AMZ1: variants seen among roughly 807,000 people sequenced by gnomAD.
AMZ1 encodes archaemetzincin-1.
Under a neutral mutation model 29.9 loss-of-function variants are expected in AMZ1, and 39 were observed. The observed-to-expected ratio is 1.30, with a 90% CI of 1.01 to 1.70. The LOEUF (loss-of-function observed/expected upper bound fraction) is 1.70. AMZ1 is among the 40% of genes most tolerant of loss of function. The pLI, the probability that AMZ1 is intolerant of heterozygous loss-of-function variation, is 0.00. For missense variants in AMZ1, 1,041 were observed against 680.6 expected, an observed-to-expected ratio of 1.53 and a Z score of -5.89; for synonymous variants, 458 against 304.0, an observed-to-expected ratio of 1.51 and a Z score of -5.27.
In AMZ1 at chr7:2,696,308, G is replaced by C. The variant is rs374808891; in HGVS notation, c.-218-3926G>C. 4.9e-3 allele frequency among the ~76,000 whole-genome samples: 728 copies of C among 147,580 alleles called. 1 individual carries two copies. Among genetic ancestry groups the C allele is most frequent in the Middle Eastern group, 0.011 (3 of 280 alleles). ...GTCTCGCTCTGTCACCCAGGCTGGA[G>C]TGCAGTGGTGCGATCTTGGCTCACT... On this transcript the variant is annotated intron_variant, in intron 1 of 6. Coordinates refer to ENST00000683327, the MANE Select transcript of AMZ1 (RefSeq NM_001384743.1).
intron 6 of AMZ1, among the ~76,000 whole-genome samples, chr7:2,710,138 C>T (rs1002604380): frequency 6.6e-6 from 1 of 152,164 alleles, no homozygotes; most frequent in Non-Finnish European, 1.5e-5. Context: ...ACGGTCTTCC[C>T]AGGGTAACTT....
chr7:2,754,538 C>T (rs1300376318), intron 4 of AMZ1, among the ~76,000 whole-genome samples: 1 of 151,306 alleles, frequency 6.6e-6, no homozygotes, highest in African/African-American at 2.4e-5. Context: ...AGCTTAGGGG[C>T]TCGAAACCAA....
At chr7:2,696,431 G>C (rs968934676) in intron 1 of AMZ1, among the ~76,000 whole-genome samples, 1 of 150,366 alleles carries the variant, frequency 6.7e-6, no homozygotes, top group South Asian at 2.1e-4. Flanking sequence ...TAATTTTTTT[G>C]TATTTTTAGT....
intron 1 of AMZ1, among the ~76,000 whole-genome samples, chr7:2,694,906 C>G (rs959421421): frequency 6.6e-6 from 1 of 152,142 alleles, no homozygotes; most frequent in Admixed American, 6.5e-5. Flanking sequence ...CTCCTGACCT[C>G]GAGTGATCCG....
rs750082693 is a variant in AMZ1 at position 2,712,515 on chromosome 7, C to G, written c.1134C>G (p.Ala378=). The change falls in exon 7 of 7, where the codon GCC becomes GCG. Residue 378 remains alanine, a synonymous_variant. Transcript: ENST00000683327. The part of the protein sequence containing the change: ...LTPDAGSHTF[A]SGPEEGLSYL... ...CTGATGCCGGGAGTCACACCTTCGC[C>G]TCGGGGCCAGAGGAAGGGCTGAGCT... The G allele has an allele frequency of 6.2e-7, 1 of 1,608,820 alleles. No individual in the cohort carries two copies. The highest frequency in any genetic ancestry group is 1.7e-5 in the Admixed American group (1 of 59,692).
chr7:2,747,609 A>T, intron 4 of AMZ1, among the ~76,000 whole-genome samples: 1 of 152,250 alleles, frequency 6.6e-6, no homozygotes, highest in Non-Finnish European at 1.5e-5. Flanking sequence ...GAAAACTGGC[A>T]CAAGACAGGG....
chr7:2,698,264 G>A (rs540108511), intron 1 of AMZ1, among the ~76,000 whole-genome samples: 7 of 152,280 alleles, frequency 4.6e-5, no homozygotes, highest in East Asian at 3.9e-4. Context: ...CCAAACAGGC[G>A]TGGTGGCTCA....
At chr7:2,737,389 A>G (rs530022912) in intron 4 of AMZ1, among the ~76,000 whole-genome samples, 1 of 146,708 alleles carries the variant, frequency 6.8e-6, no homozygotes, top group East Asian at 2.0e-4. Context: ...CCTGGGTTCA[A>G]GCAATTCTCC....
At chr7:2,724,382 CA>C (rs1368851669), downstream of AMZ1, among the ~76,000 whole-genome samples, 4 of 152,356 alleles carry the variant, frequency 2.6e-5, no homozygotes, top group Admixed American at 6.5e-5. Flanking sequence ...GGGTGAAATG[CA>C]TCAGCTTTTA....
intron 6 of AMZ1, among the ~76,000 whole-genome samples, chr7:2,711,037 GC>G (rs1486013774): frequency 6.6e-6 from 1 of 152,102 alleles, no homozygotes; most frequent in East Asian, 1.9e-4. Flanking sequence ...GAAAGTGTAT[GC>G]CCCTCCCTAC....
In AMZ1 at chr7:2,719,569, A is replaced by G. The variant is rs1487528851; in HGVS notation, c.*6691A>G. 1.3e-5 allele frequency among the ~76,000 whole-genome samples: 2 copies of G among 152,262 alleles called. No homozygotes were observed. The highest frequency in any genetic ancestry group is 2.9e-5 in the Non-Finnish European group (2 of 68,048). ...TGGAAATACACCTGGAACATTTTAT[A>G]CTGCAATGACTGATGGACGACTTTG... is the stretch of plus-strand genomic sequence containing the variant. On this transcript the variant is annotated 3_prime_UTR_variant, in exon 7 of 7. Transcript: ENST00000683327.
At chr7:2,737,695 C>T (rs1790278496) in intron 4 of AMZ1, among the ~76,000 whole-genome samples, 1 of 152,096 alleles carries the variant, frequency 6.6e-6, no homozygotes, top group South Asian at 2.1e-4. Context: ...CTAGAGGATT[C>T]CAAAATCTAG....
chr7:2,710,637 C>T (rs562833771), intron 6 of AMZ1, among the ~76,000 whole-genome samples: 105 of 152,306 alleles, frequency 6.9e-4, no homozygotes, highest in African/African-American at 2.2e-3. Flanking sequence ...AACTAGAGGC[C>T]GTGGCATTTC....
At chr7:2,709,543 C>G in intron 5 of AMZ1, 97 bp from the exon 6 acceptor site, 3 of 1,507,606 alleles carry the variant, frequency 2.0e-6, no homozygotes, top group Non-Finnish European at 2.7e-6. Context: ...TCTGGCCTCA[C>G]CCAGGTCCTC....
rs1285490741 is a variant in AMZ1 at position 2,717,217 on chromosome 7, G to A, written c.*4339G>A. Among the ~76,000 whole-genome samples the A allele has an allele frequency of 6.6e-6, 1 of 152,236 alleles. No individual in the cohort carries two copies. The highest frequency in any genetic ancestry group is 2.4e-5 in the African/African-American group (1 of 41,458). ...CCCCCGTGATTGCTGGGGCTTCACTGATTTGTTTTGTTTATAAAAGGAGGG... is the reference window on the plus strand; with the variant it reads ...CCCCCGTGATTGCTGGGGCTTCACTAATTTGTTTTGTTTATAAAAGGAGGG... On this transcript the variant is annotated 3_prime_UTR_variant, in exon 7 of 7. Coordinates refer to ENST00000683327, the MANE Select transcript of AMZ1 (RefSeq NM_001384743.1).
At chr7:2,685,120 C>G (rs1787028365), upstream of AMZ1, among the ~76,000 whole-genome samples, 1 of 151,740 alleles carries the variant, frequency 6.6e-6, no homozygotes, top group Admixed American at 6.6e-5. Context: ...CCGCCCGCCT[C>G]GGCCTCCCAA....
Position 2,731,006 on chromosome 7 carries a change from T to C in AMZ1, n.550+21190T>C. ...TCAGTAGCTAACGTGACAGTTTCCATGTCCTTTTGCCTAGAGCTCGCTGGC... is the reference window on the plus strand; with the variant it reads ...TCAGTAGCTAACGTGACAGTTTCCACGTCCTTTTGCCTAGAGCTCGCTGGC... On this transcript the variant is annotated intron_variant and non_coding_transcript_variant, in intron 4 of 4. Coordinates refer to the AMZ1 transcript ENST00000489665. The surrounding 1 kb of genome is among the most constrained non-coding windows in gnomAD (Gnocchi z 6.0). 1.8e-6 allele frequency: 1 copy of C among 544,950 alleles called. No individual in the cohort carries two copies. Among genetic ancestry groups the C allele is most frequent in the Non-Finnish European group, 3.3e-6 (1 of 304,750 alleles). 33.8% of individuals were successfully genotyped at this position (544,950 alleles called of 1,614,324 possible). A position where few individuals can be genotyped will look rare whatever the true frequency, so the allele number is the denominator to read the frequency against.
intron 6 of AMZ1, among the ~76,000 whole-genome samples, chr7:2,710,962 G>T (rs895980389): frequency 1.3e-5 from 2 of 152,190 alleles, no homozygotes; most frequent in African/African-American, 2.4e-5. Flanking sequence ...CTGCAGAAAG[G>T]GTTGAGAGCT....
At chr7:2,688,712 G>T (rs1268082259) in intron 1 of AMZ1, among the ~76,000 whole-genome samples, 10 of 152,192 alleles carry the variant, frequency 6.6e-5, no homozygotes, top group Non-Finnish European at 2.9e-5. Flanking sequence ...GACGTCCCCG[G>T]GGAACCTCCA....
Sources: gnomAD v4.1 joint callset for allele counts (sites outside exome capture counted in the v4.1 genomes callset) on GRCh38, gnomAD v4.1.1 for gene constraint, Gnocchi (gnomAD v3.1) non-coding constraint, MANE v1.5 for transcripts, NCBI Gene and HGNC (gene_info 2026-07-23, HGNC 2026-07-21) for gene names.